Variants in CLIC5 observed in about 807,000 individuals in gnomAD.
The protein encoded by CLIC5 is CLIC family member 5.
Under a neutral mutation model 24.7 loss-of-function variants are expected in CLIC5, and 20 were observed. The observed-to-expected ratio is 0.81, with a 90% CI of 0.57 to 1.18. The LOEUF (loss-of-function observed/expected upper bound fraction) is 1.18, where lower values mean the gene tolerates loss of function less well. CLIC5 is among the 50% of genes most tolerant of loss of function. The pLI is 0.00. For synonymous variants in CLIC5, 159 were observed against 135.6 expected (o/e 1.17, Z -1.20); for missense variants, 341 against 326.1 (o/e 1.05, Z -0.35).
chr6:46,121,897 T>C, the CLIC5 span, among the ~76,000 whole-genome samples: 1 of 152,152 alleles, frequency 6.6e-6, no homozygotes, highest in African/African-American at 2.4e-5. Context: ...TAAATATATA[T>C]GCACCCAATA....
At chr6:45,961,635 A>G (rs1764844407) in intron 1 of CLIC5, among the ~76,000 whole-genome samples, 6 of 152,104 alleles carry the variant, frequency 3.9e-5, no homozygotes, top group Non-Finnish European at 7.4e-5. Context: ...GTCAGACAAC[A>G]TTTCTAGTTG....
chr6:45,936,115 C>T (rs1476031050), intron 4 of CLIC5, among the ~76,000 whole-genome samples: 2 of 151,992 alleles, frequency 1.3e-5, no homozygotes, highest in Non-Finnish European at 2.9e-5. Flanking sequence ...ATGTATAACC[C>T]CTCAAACTGC....
chr6:45,891,773 A>G (rs181292737), intron 6 of CLIC5, among the ~76,000 whole-genome samples: 21 of 152,198 alleles, frequency 1.4e-4, no homozygotes, highest in Admixed American at 5.9e-4. Context: ...AGGGTAGGAG[A>G]GTTGCCTTCT....
chr6:46,120,777 T>C, the CLIC5 span, among the ~76,000 whole-genome samples: 8 of 152,190 alleles, frequency 5.3e-5, no homozygotes, highest in East Asian at 1.5e-3. Flanking sequence ...GAGAACTACA[T>C]GATGAATGCA....
At chr6:45,925,113 A>G (rs929617172) in intron 4 of CLIC5, among the ~76,000 whole-genome samples, 23 of 152,202 alleles carry the variant, frequency 1.5e-4, no homozygotes, top group Non-Finnish European at 2.9e-4. Context: ...GTCATGTGAG[A>G]AAAGCAAATT....
chr6:46,002,167 A>G (rs953919093), intron 1 of CLIC5, among the ~76,000 whole-genome samples: 6 of 152,256 alleles, frequency 3.9e-5, no homozygotes, highest in Non-Finnish European at 1.5e-5. Flanking sequence ...ATCAAATTCC[A>G]TGGACGATAT....
intron 1 of CLIC5, among the ~76,000 whole-genome samples, chr6:45,969,664 A>G (rs1765130884): frequency 6.6e-6 from 1 of 152,166 alleles, no homozygotes; most frequent in Non-Finnish European, 1.5e-5. Flanking sequence ...TTGGAAAGTC[A>G]TCTTCGAGAG....
chr6:45,916,245 C>T (rs1763028008), intron 4 of CLIC5, among the ~76,000 whole-genome samples: 1 of 152,204 alleles, frequency 6.6e-6, no homozygotes, highest in Non-Finnish European at 1.5e-5. Flanking sequence ...ACTTCATCAT[C>T]TGCTTTGTGT....
At chr6:45,940,010 C>T (rs1043385979) in intron 4 of CLIC5, among the ~76,000 whole-genome samples, 17 of 152,132 alleles carry the variant, frequency 1.1e-4, no homozygotes, top group African/African-American at 4.1e-4. Context: ...TCTTGACACA[C>T]ACCTCTAATG....
chr6:45,888,600 ATCTAAG>A (rs902188408), intron 6 of CLIC5, among the ~76,000 whole-genome samples: 4 of 152,246 alleles, frequency 2.6e-5, no homozygotes, highest in African/African-American at 4.8e-5. Context: ...TCGTGAATTT[ATCTAAG>A]TCTATCATAA....
At chr6:46,051,442 C>T (rs1448785560) in intron 1 of CLIC5, among the ~76,000 whole-genome samples, 1 of 152,208 alleles carries the variant, frequency 6.6e-6, no homozygotes, top group Non-Finnish European at 1.5e-5. Flanking sequence ...TCTTGTTTCT[C>T]TAGCTCAAGT....
chr6:45,988,644 T>C (rs1765823749), intron 1 of CLIC5, among the ~76,000 whole-genome samples: 1 of 152,240 alleles, frequency 6.6e-6, no homozygotes, highest in Non-Finnish European at 1.5e-5. Context: ...TTATCCTTGT[T>C]TTAGCAGGGT....
chr6:46,010,968 C>T (rs749862198), intron 1 of CLIC5, among the ~76,000 whole-genome samples: 4 of 152,116 alleles, frequency 2.6e-5, no homozygotes, highest in Admixed American at 6.5e-5. Flanking sequence ...GACATAGAGG[C>T]GACACCACAA....
the CLIC5 span, among the ~76,000 whole-genome samples, chr6:46,122,259 A>G: frequency 2.0e-5 from 3 of 152,202 alleles, no homozygotes; most frequent in Non-Finnish European, 2.9e-5. Context: ...TCAAACTAGA[A>G]CTCAGGATTA....
At chr6:45,946,249 C>A (rs572767348) in intron 3 of CLIC5, among the ~76,000 whole-genome samples, 1 of 152,336 alleles carries the variant, frequency 6.6e-6, no homozygotes, top group East Asian at 1.9e-4. Flanking sequence ...GCCAGAATGT[C>A]TCAACAGTAA....
At chr6:46,025,369 C>A (rs1203188796) in intron 1 of CLIC5, among the ~76,000 whole-genome samples, 4 of 152,186 alleles carry the variant, frequency 2.6e-5, no homozygotes, top group Admixed American at 1.3e-4. Context: ...TCCCTCACTG[C>A]AAACTTCAGT....
chr6:46,119,194 T>C, the CLIC5 span, among the ~76,000 whole-genome samples: 4 of 152,222 alleles, frequency 2.6e-5, no homozygotes, highest in African/African-American at 9.6e-5. Context: ...AAGTTTGTGG[T>C]AGAGCAGTCA....
intron 1 of CLIC5, among the ~76,000 whole-genome samples, chr6:46,071,691 A>G (rs551927423): frequency 1.3e-5 from 2 of 152,072 alleles, no homozygotes; most frequent in Non-Finnish European, 2.9e-5. Context: ...TTCCTCAGAG[A>G]CCTAAAAACA....
At chr6:46,112,220 G>T in the CLIC5 span, among the ~76,000 whole-genome samples, 8 of 152,194 alleles carry the variant, frequency 5.3e-5, no homozygotes, top group African/African-American at 1.9e-4. Context: ...TAGATAATCT[G>T]CATAGATGCA....
Sources: gnomAD v4.1 joint callset for allele counts (sites outside exome capture counted in the v4.1 genomes callset) on GRCh38, gnomAD v4.1.1 for gene constraint, MANE v1.5 for transcripts, NCBI Gene and HGNC (gene_info 2026-07-23, HGNC 2026-07-21) for gene names.